Variants in SRD5A2 observed in about 807,000 individuals in gnomAD.
SRD5A2 encodes 3-oxo-5-alpha-steroid 4-dehydrogenase 2.
A neutral mutation model predicts 27.4 loss-of-function variants in SRD5A2; 30 were observed. The observed-to-expected ratio is 1.10, with a 90% CI of 0.82 to 1.49. SRD5A2 has a LOEUF of 1.49. SRD5A2 is among the 40% of genes most tolerant of loss of function. SRD5A2 has a pLI of 0.00. For synonymous variants in SRD5A2, 141 were observed against 133.6 expected (o/e 1.06, Z -0.38); for missense variants, 348 against 323.4 (o/e 1.08, Z -0.58).
chr2:31,573,441 G>T (rs1319622311), intron 1 of SRD5A2, among the ~76,000 whole-genome samples: 1 of 152,222 alleles, frequency 6.6e-6, no homozygotes, highest in Non-Finnish European at 1.5e-5. Context: ...AACAACTTGA[G>T]TCCAGACTTT....
At chr2:31,592,176 A>G in the SRD5A2 span, among the ~76,000 whole-genome samples, 2 of 151,884 alleles carry the variant, frequency 1.3e-5, no homozygotes, top group Non-Finnish European at 2.9e-5. Flanking sequence ...AAAAAAGATT[A>G]TATCTCCCTT....
chr2:31,662,240 G>GTAGAGAC, the SRD5A2 span, among the ~76,000 whole-genome samples: 2 of 152,068 alleles, frequency 1.3e-5, no homozygotes, highest in African/African-American at 4.8e-5. Context: ...ATGACATGTT[G>GTAGAGAC]TAGAGACACT....
At chr2:31,541,723 A>G (rs990331549) in intron 1 of SRD5A2, among the ~76,000 whole-genome samples, 1 of 152,188 alleles carries the variant, frequency 6.6e-6, no homozygotes, top group Non-Finnish European at 1.5e-5. Context: ...CCCCTCCCCT[A>G]TCCCTCTGGC....
chr2:31,554,412 G>A (rs774206868), intron 1 of SRD5A2, among the ~76,000 whole-genome samples: 1 of 152,140 alleles, frequency 6.6e-6, no homozygotes, highest in Non-Finnish European at 1.5e-5. Context: ...GAGATGAAGA[G>A]GTCATTTTTG....
chr2:31,620,979 T>C, the SRD5A2 span, among the ~76,000 whole-genome samples: 2 of 147,466 alleles, frequency 1.4e-5, no homozygotes, highest in Non-Finnish European at 3.0e-5. Context: ...ATAAATTAAA[T>C]ATATAATATA....
intron 1 of SRD5A2, among the ~76,000 whole-genome samples, chr2:31,544,019 GA>G (rs1399321331): frequency 6.6e-6 from 1 of 151,778 alleles, no homozygotes; most frequent in Non-Finnish European, 1.5e-5. Context: ...AAATGGAAAT[GA>G]AAAAAGAGCA....
the SRD5A2 span, among the ~76,000 whole-genome samples, chr2:31,644,792 A>G: frequency 6.6e-6 from 1 of 152,220 alleles, no homozygotes; most frequent in Non-Finnish European, 1.5e-5. Context: ...ATTTGTAATT[A>G]TACTGATTAT....
chr2:31,588,171 T>A, the SRD5A2 span, among the ~76,000 whole-genome samples: 1 of 151,952 alleles, frequency 6.6e-6, no homozygotes, highest in South Asian at 2.1e-4. Flanking sequence ...AAAGAGGACA[T>A]AGAGAAAGAG....
the SRD5A2 span, among the ~76,000 whole-genome samples, chr2:31,613,380 A>G: frequency 6.6e-6 from 1 of 152,232 alleles, no homozygotes; most frequent in African/African-American, 2.4e-5. Context: ...TCTCAAAAGA[A>G]GAGATATGAA....
Position 31,580,761 on chromosome 2 carries a change from AGGCGGGT to A in SRD5A2, c.133_139del (p.Thr45CysfsTer84), listed in dbSNP as rs1667064543. ...CAGGAACCAGGCGGCGCGGGCTGGC[AGGCGGGT>A]AGCCGCCGGCTTCAGGCTCTCCGTG... On this transcript the variant is annotated frameshift_variant, in exon 1 of 5. Transcript: ENST00000622030. LOFTEE classifies it high-confidence loss of function. 1.2e-6 allele frequency: 2 copies of A among 1,610,416 alleles called. No individual in the cohort carries two copies. The highest frequency in any genetic ancestry group is 4.5e-5 in the East Asian group (2 of 44,872).
At chr2:31,543,805 G>T (rs910117458) in intron 1 of SRD5A2, among the ~76,000 whole-genome samples, 4 of 152,120 alleles carry the variant, frequency 2.6e-5, no homozygotes, top group Admixed American at 2.6e-4. Flanking sequence ...ACGGTGTAGA[G>T]AAAACAAATA....
the SRD5A2 span, among the ~76,000 whole-genome samples, chr2:31,589,956 G>T: frequency 6.6e-6 from 1 of 152,090 alleles, no homozygotes; most frequent in Admixed American, 6.5e-5. Context: ...GGCCTTGCTG[G>T]CTGCATGAGA....
chr2:31,643,251 C>A, the SRD5A2 span, among the ~76,000 whole-genome samples: 1 of 152,026 alleles, frequency 6.6e-6, no homozygotes, highest in Non-Finnish European at 1.5e-5. Flanking sequence ...TAGAGATTAT[C>A]AAACTACTCC....
chr2:31,549,081 A>AATAATTATTATT (rs1553325820), intron 1 of SRD5A2, among the ~76,000 whole-genome samples: 10 of 131,378 alleles, frequency 7.6e-5, no homozygotes, highest in Admixed American at 5.4e-4. Flanking sequence ...AAGTAGAGGG[A>AATAATTATTATT]ATTATTATTA....
chr2:31,573,366 T>G (rs1666890435), intron 1 of SRD5A2, among the ~76,000 whole-genome samples: 1 of 152,218 alleles, frequency 6.6e-6, no homozygotes, highest in Non-Finnish European at 1.5e-5. Context: ...GTTTTTAAAA[T>G]TTAGAGCTCC....
chr2:31,648,671 A>G, the SRD5A2 span, among the ~76,000 whole-genome samples: 1 of 152,202 alleles, frequency 6.6e-6, no homozygotes, highest in Non-Finnish European at 1.5e-5. Context: ...CATTCCTCAG[A>G]AGAAAGCAAC....
chr2:31,568,096 C>T (rs1172617262), intron 1 of SRD5A2, among the ~76,000 whole-genome samples: 1 of 152,152 alleles, frequency 6.6e-6, no homozygotes, highest in Non-Finnish European at 1.5e-5. Context: ...CCACTGTGGG[C>T]ACCCACATCT....
At chr2:31,577,142 T>A (rs1572657722) in intron 1 of SRD5A2, among the ~76,000 whole-genome samples, 7 of 53,672 alleles carry the variant, frequency 1.3e-4, no homozygotes, top group East Asian at 1.2e-3. Flanking sequence ...AAACTTAGAG[T>A]ATAATAAAAA....
At chr2:31,531,299 C>G (rs1665900370) in intron 3 of SRD5A2, 72 bp downstream of exon 3, 1 of 1,147,510 alleles carries the variant, frequency 8.7e-7, no homozygotes, top group South Asian at 1.4e-5. Context: ...CCCTCTCCAT[C>G]TGCTACCATA....
Sources: allele counts gnomAD v4.1 joint callset (sites outside exome capture counted in the v4.1 genomes callset), GRCh38; gene constraint gnomAD v4.1.1; transcripts MANE v1.5; gene names NCBI Gene and HGNC (gene_info 2026-07-23, HGNC 2026-07-21).